Variants in PTPRG observed in about 807,000 individuals in gnomAD.
PTPRG encodes protein tyrosine phosphatase receptor type G, also known as receptor-type tyrosine-protein phosphatase gamma.
PTPRG carries 102 observed loss-of-function variants against 165.3 expected under a neutral mutation model. The observed-to-expected ratio is 0.62, with a 90% CI of 0.53 to 0.73. The LOEUF is 0.73. Ranked by LOEUF, PTPRG falls within the 30% of genes least tolerant of loss-of-function variation. The pLI is 0.00. For missense variants in PTPRG, 1,866 were observed against 1,861.4 expected (o/e 1.00, Z -0.05); for synonymous variants, 675 against 669.5 (o/e 1.01, Z -0.13).
chr3:61,876,015 A>T (rs2037730174), intron 2 of PTPRG, among the ~76,000 whole-genome samples: 1 of 152,356 alleles, frequency 6.6e-6, no homozygotes, highest in East Asian at 1.9e-4. Context: ...ATAAATAAAT[A>T]AAAGCACATT....
chr3:62,027,173 A>G (rs1341860669), intron 4 of PTPRG, among the ~76,000 whole-genome samples: 2 of 152,092 alleles, frequency 1.3e-5, no homozygotes, highest in African/African-American at 4.8e-5. Context: ...CGCTTGTTAC[A>G]TTAATCTAAA....
chr3:62,074,434 T>C (rs538281630), intron 4 of PTPRG, among the ~76,000 whole-genome samples: 4 of 142,480 alleles, frequency 2.8e-5, no homozygotes, highest in Non-Finnish European at 6.1e-5. Flanking sequence ...GTAGCCTCAA[T>C]AGCCTCAACC....
At chr3:61,751,051 G>A (rs757236363) in intron 2 of PTPRG, 5 of 152,174 alleles carry the variant, frequency 3.3e-5, no homozygotes, top group Non-Finnish European at 7.3e-5. Flanking sequence ...AGAATAGAAT[G>A]GGACAGATAT....
At chr3:61,819,451 A>T (rs1266913301) in intron 2 of PTPRG, among the ~76,000 whole-genome samples, 2 of 152,190 alleles carry the variant, frequency 1.3e-5, no homozygotes, top group Non-Finnish European at 2.9e-5. Context: ...AATTTGGGGA[A>T]GGATAGCACT....
intron 3 of PTPRG, among the ~76,000 whole-genome samples, chr3:61,997,667 G>A (rs961911856): frequency 6.6e-6 from 1 of 152,176 alleles, no homozygotes; most frequent in Non-Finnish European, 1.5e-5. Flanking sequence ...CTTGGGACCT[G>A]TCCTTCCCAT....
At chr3:61,773,263 T>G (rs2034267061) in intron 2 of PTPRG, among the ~76,000 whole-genome samples, 1 of 152,152 alleles carries the variant, frequency 6.6e-6, no homozygotes, top group African/African-American at 2.4e-5. Context: ...GATAGTTAAT[T>G]ACTAATTAGA....
intron 1 of PTPRG, among the ~76,000 whole-genome samples, chr3:61,599,791 G>A (rs1217625428): frequency 2.0e-5 from 3 of 152,054 alleles, no homozygotes; most frequent in Admixed American, 1.3e-4. Flanking sequence ...ACCGCACCTG[G>A]CTGATCCTGC....
chr3:62,068,158 T>G (rs1218285639), intron 4 of PTPRG, among the ~76,000 whole-genome samples: 1 of 152,176 alleles, frequency 6.6e-6, no homozygotes, highest in African/African-American at 2.4e-5. Context: ...GAGTATCACT[T>G]CTAGAAAATA....
At chr3:61,958,150 A>G (rs1451313700) in intron 2 of PTPRG, among the ~76,000 whole-genome samples, 1 of 151,664 alleles carries the variant, frequency 6.6e-6, no homozygotes, top group East Asian at 1.9e-4. Flanking sequence ...TTTTTGAGAC[A>G]GACTCTTACT....
chr3:61,738,920 C>T (rs1417749875), intron 1 of PTPRG, among the ~76,000 whole-genome samples: 1 of 150,494 alleles, frequency 6.6e-6, no homozygotes, highest in African/African-American at 2.4e-5. Flanking sequence ...AACCACCTTG[C>T]CTGGCTAATT....
intron 1 of PTPRG, among the ~76,000 whole-genome samples, chr3:61,645,636 T>C (rs1702179809): frequency 3.9e-5 from 6 of 152,242 alleles, no homozygotes; most frequent in Admixed American, 3.3e-4. Flanking sequence ...GCCCACGGGT[T>C]GGCAAATTTT....
chr3:62,148,076 G>T (rs1443347270), intron 6 of PTPRG, among the ~76,000 whole-genome samples: 1 of 152,172 alleles, frequency 6.6e-6, no homozygotes, highest in Non-Finnish European at 1.5e-5. Flanking sequence ...AACCCGGGAG[G>T]TGGAGGTTGC....
At chr3:61,724,467 T>C (rs1270987341) in intron 1 of PTPRG, among the ~76,000 whole-genome samples, 2 of 152,154 alleles carry the variant, frequency 1.3e-5, no homozygotes, top group Non-Finnish European at 2.9e-5. Flanking sequence ...GTACACGTTT[T>C]TGGATGATCA....
chr3:62,085,574 CTCTT>C (rs1701725457), intron 5 of PTPRG, among the ~76,000 whole-genome samples: 1 of 152,066 alleles, frequency 6.6e-6, no homozygotes, highest in Non-Finnish European at 1.5e-5. Context: ...TTGTCTCTGC[CTCTT>C]TCTTGCATTT....
chr3:62,143,733 G>T (rs1704013940), intron 6 of PTPRG, among the ~76,000 whole-genome samples: 1 of 152,102 alleles, frequency 6.6e-6, no homozygotes, highest in African/African-American at 2.4e-5. Flanking sequence ...TGGACTCTTA[G>T]GAACACAACT....
intron 2 of PTPRG, among the ~76,000 whole-genome samples, chr3:61,807,057 G>C (rs2035440060): frequency 6.6e-6 from 1 of 152,158 alleles, no homozygotes; most frequent in South Asian, 2.1e-4. Context: ...CATGGACGGA[G>C]AGGACAATTC....
intron 1 of PTPRG, among the ~76,000 whole-genome samples, chr3:61,717,246 G>A (rs2031848326): frequency 6.6e-6 from 1 of 152,098 alleles, no homozygotes; most frequent in Admixed American, 6.5e-5. Flanking sequence ...AATAGTAATG[G>A]TTACAATTTA....
chr3:61,830,816 C>T (rs1479678004), intron 2 of PTPRG, among the ~76,000 whole-genome samples: 1 of 152,136 alleles, frequency 6.6e-6, no homozygotes, highest in African/African-American at 2.4e-5. Context: ...TCAGGTGATC[C>T]ACCTGCCTCG....
chr3:62,189,216 C>A (rs561006246), intron 8 of PTPRG, among the ~76,000 whole-genome samples: 1 of 152,256 alleles, frequency 6.6e-6, no homozygotes, highest in South Asian at 2.1e-4. Flanking sequence ...CCTTCCGTTT[C>A]TGTCGCACTA....
Sources: gnomAD v4.1 joint callset for allele counts (sites outside exome capture counted in the v4.1 genomes callset) on GRCh38, gnomAD v4.1.1 for gene constraint, MANE v1.5 for transcripts, NCBI Gene and HGNC (gene_info 2026-07-23, HGNC 2026-07-21) for gene names.